Variants in RARB observed in about 807,000 individuals in gnomAD.
The protein encoded by RARB is retinoic acid receptor beta.
Under a neutral mutation model 51.9 loss-of-function variants are expected in RARB, and 17 were observed. That is an observed-to-expected ratio of 0.33 (90% CI 0.22 to 0.49). RARB has a LOEUF of 0.49. RARB is among the 20% of genes least tolerant of loss of function. RARB has a pLI of 0.99. For missense variants in RARB, 369 were observed against 550.8 expected (o/e 0.67, Z 3.30); for synonymous variants, 215 against 195.4 (o/e 1.10, Z -0.84).
chr3:24,890,069 T>A (rs912299863), intron 2 of RARB, among the ~76,000 whole-genome samples: 5 of 152,176 alleles, frequency 3.3e-5, no homozygotes, highest in African/African-American at 1.2e-4. Flanking sequence ...ATAAAAATAT[T>A]GAAGAATTAG....
chr3:25,183,908 C>G (rs1379934471), intron 5 of RARB, among the ~76,000 whole-genome samples: 4 of 152,074 alleles, frequency 2.6e-5, no homozygotes, highest in African/African-American at 9.7e-5. Flanking sequence ...GTCTTTATAT[C>G]TGTCCCCATT....
intron 3 of RARB, among the ~76,000 whole-genome samples, chr3:25,560,273 AAACT>A (rs1215790012): frequency 6.6e-6 from 1 of 152,182 alleles, no homozygotes; most frequent in Non-Finnish European, 1.5e-5. Context: ...TTTTTCATTT[AAACT>A]AACTATGTGA....
chr3:24,878,210 ATT>A (rs58436769), intron 2 of RARB, among the ~76,000 whole-genome samples: 75,263 of 146,300 alleles, frequency 0.51, 19,281 homozygotes, highest in Non-Finnish European at 0.55. Flanking sequence ...TAGCCAAACC[ATT>A]TTTTTTTTTT....
rs1172011927 is a variant in RARB, at chr3:25,469,326, T to G, written c.306+7985T>G. Among the ~76,000 whole-genome samples, 4 of 152,256 alleles carry G rather than the reference T, an allele frequency of 2.6e-5. No individual in the cohort carries two copies. In the East Asian group the frequency reaches 7.7e-4, roughly 29 times the overall value. ...CCAAGGCCATTTAAAACCACATTGT[T>G]GTTTTTAATTGGAGTGGATAAACAT... On this transcript the variant is annotated intron_variant, in intron 2 of 7. Transcript: ENST00000330688.
At chr3:24,989,305 A>C (rs1192410077) in intron 2 of RARB, among the ~76,000 whole-genome samples, 1 of 152,216 alleles carries the variant, frequency 6.6e-6, no homozygotes, top group Non-Finnish European at 1.5e-5. Context: ...TGTCATAGCT[A>C]TATCAGGTGT....
At chr3:25,559,673 T>G (rs1472171582) in intron 3 of RARB, among the ~76,000 whole-genome samples, 1 of 151,862 alleles carries the variant, frequency 6.6e-6, no homozygotes, top group Admixed American at 6.6e-5. Flanking sequence ...GGTGGATGGT[T>G]AATTGGTTGG....
At chr3:25,230,259 T>C (rs975775889) in intron 5 of RARB, among the ~76,000 whole-genome samples, 1 of 152,144 alleles carries the variant, frequency 6.6e-6, no homozygotes, top group Non-Finnish European at 1.5e-5. Flanking sequence ...AACATACTTA[T>C]TCTCTGAACA....
At chr3:25,383,079 C>G (rs1361183014) in intron 5 of RARB, among the ~76,000 whole-genome samples, 1 of 152,138 alleles carries the variant, frequency 6.6e-6, no homozygotes, top group African/African-American at 2.4e-5. Flanking sequence ...ATTGATGCAT[C>G]TACTATGCAA....
intron 2 of RARB, among the ~76,000 whole-genome samples, chr3:25,478,619 C>T (rs1696077539): frequency 6.6e-6 from 1 of 152,208 alleles, no homozygotes; most frequent in Non-Finnish European, 1.5e-5. Flanking sequence ...TGCGTTCTGG[C>T]TTTCCTGGTG....
At position 25,461,460 on chromosome 3, in the gene RARB, A is replaced by G. The variant is rs1361266183; in HGVS notation, c.306+119A>G. The G allele has an allele frequency of 5.9e-6, 7 of 1,194,234 alleles. No homozygotes were observed. In the African/African-American group the frequency reaches 7.7e-5, roughly 13 times the overall value. 74.0% of individuals were successfully genotyped at this position (1,194,234 alleles called of 1,614,324 possible). A position where few individuals can be genotyped will look rare whatever the true frequency, so the allele number is the denominator to read the frequency against. ...AACATCACCTCCCATAAGTGTGGTG[A>G]ATTCAGTTATATTCAGTGGTTTTTA... is the stretch of plus-strand genomic sequence containing the variant. On this transcript the variant is annotated intron_variant, in intron 2 of 7. Coordinates refer to ENST00000330688, the MANE Select transcript of RARB (RefSeq NM_000965.5).
At chr3:24,896,935 C>A (rs1703491252) in intron 2 of RARB, among the ~76,000 whole-genome samples, 1 of 152,212 alleles carries the variant, frequency 6.6e-6, no homozygotes, top group Non-Finnish European at 1.5e-5. Flanking sequence ...CCTTCACATT[C>A]AACCACTGGC....
At chr3:25,177,312 T>G (rs35383710) in intron 5 of RARB, among the ~76,000 whole-genome samples, 14,224 of 152,226 alleles carry the variant, frequency 0.093, 864 homozygotes, top group South Asian at 0.23. Flanking sequence ...AATTTAAGGT[T>G]TTTATCCATG....
Position 25,011,933 on chromosome 3 carries a change from C to A in RARB, c.-379-48192C>A, listed in dbSNP as rs75957096. On this transcript the variant is annotated intron_variant, in intron 2 of 11. Transcript: ENST00000383772. ...CACAATTTTATTTAGGGAGAGAGATCATTTGTTTCATGCAAAGGTCATAAA... is the reference window on the plus strand; with the variant it reads ...CACAATTTTATTTAGGGAGAGAGATAATTTGTTTCATGCAAAGGTCATAAA... 7.4e-3 allele frequency among the ~76,000 whole-genome samples: 1,127 copies of A among 152,180 alleles called. 16 individuals are homozygous for A. The highest frequency in any genetic ancestry group is 0.026 in the African/African-American group (1,074 of 41,504).
At chr3:24,893,459 T>C (rs1321607721) in intron 2 of RARB, among the ~76,000 whole-genome samples, 3 of 152,238 alleles carry the variant, frequency 2.0e-5, no homozygotes, top group Non-Finnish European at 4.4e-5. Flanking sequence ...ATTAATAAGA[T>C]GTGGCTCTTC....
chr3:25,588,418 G>T (rs1253009688), intron 5 of RARB, among the ~76,000 whole-genome samples: 2 of 152,188 alleles, frequency 1.3e-5, no homozygotes, highest in Non-Finnish European at 2.9e-5. Context: ...CTTGATCTAG[G>T]TAGTAGTTGC....
At chr3:25,318,949 A>G (rs1016454573) in intron 5 of RARB, among the ~76,000 whole-genome samples, 5 of 152,192 alleles carry the variant, frequency 3.3e-5, no homozygotes, top group Admixed American at 1.3e-4. Flanking sequence ...ATAGTAACTC[A>G]TGCTCTGTCT....
At chr3:25,134,021 G>A (rs2125334241) in intron 4 of RARB, among the ~76,000 whole-genome samples, 1 of 148,096 alleles carries the variant, frequency 6.8e-6, no homozygotes, top group South Asian at 2.1e-4. Flanking sequence ...CTTTCTTGCA[G>A]CAATTCCTAA....
intron 5 of RARB, among the ~76,000 whole-genome samples, chr3:25,256,450 T>C (rs1002593744): frequency 6.6e-6 from 1 of 152,142 alleles, no homozygotes; most frequent in Non-Finnish European, 1.5e-5. Flanking sequence ...GGGAAACATA[T>C]ATAAGCATTA....
At position 25,594,652 on chromosome 3, in the gene RARB, C is replaced by T; in HGVS notation, c.1124C>T (p.Thr375Ile). Residue 375 changes from threonine to isoleucine, a missense_variant, in exon 7 of 8, where the codon ACA (threonine) becomes ATA (isoleucine). Around this residue, in one of 9 missense-constraint regions of RARB, gnomAD observed 76 missense variants for 153.3 expected, o/e 0.50. Coordinates refer to ENST00000330688, the MANE Select transcript of RARB (RefSeq NM_000965.5). The stretch of plus-strand genomic sequence containing the variant: ...TTTCCAAAGATCTTAATGAAAATCA[C>T]AGATCTCCGTAGCATCAGTGCTAAA... ...HMFPKILMKITDLRSISAKGA... is the reference protein window; with the variant it reads ...HMFPKILMKIIDLRSISAKGA... 6.2e-7 allele frequency: 1 copy of T among 1,613,134 alleles called. No homozygotes were observed. Among genetic ancestry groups the T allele is most frequent in the Non-Finnish European group, 8.5e-7 (1 of 1,179,662 alleles).
Sources: allele counts gnomAD v4.1 joint callset (sites outside exome capture counted in the v4.1 genomes callset), GRCh38; gene constraint gnomAD v4.1.1; regional missense constraint gnomAD v4.1.1; transcripts MANE v1.5; gene names NCBI Gene and HGNC (gene_info 2026-07-23, HGNC 2026-07-21).